The following LMF1 variants were observed in gnomAD, a reference collection of about 807,000 sequenced individuals.
LMF1 encodes transmembrane protein 112.
LMF1 carries 68 observed loss-of-function variants against 60.6 expected under a neutral mutation model. That is an observed-to-expected ratio of 1.12 (90% CI 0.92 to 1.37). LMF1 has a LOEUF of 1.37. Among genes scored for constraint, LMF1 ranks in the 40% most tolerant of loss-of-function variants. LMF1 has a pLI of 0.00. For synonymous variants in LMF1, 418 were observed against 324.7 expected (o/e 1.29, Z -3.09); for missense variants, 948 against 767.2 (o/e 1.24, Z -2.78).
intron 1 of LMF1, among the ~76,000 whole-genome samples, chr16:959,561 C>A (rs949413141): frequency 6.6e-6 from 1 of 152,164 alleles, no homozygotes; most frequent in African/African-American, 2.4e-5. Flanking sequence ...TTGGGGGATG[C>A]AGATAGAATA....
In LMF1 at chr16:868,033, G is replaced by A. The variant is rs1010667517; in HGVS notation, c.1529+911C>T. On this transcript the variant is annotated intron_variant, in intron 10 of 10. Coordinates refer to ENST00000262301, the MANE Select transcript of LMF1 (RefSeq NM_022773.4). Reference sequence around the variant, plus strand: ...AGCTGTGTTTTCCGTCAGAATCGGCGGCTGATGGCGCAGGGGAGGGGTGGG... The same window carrying A: ...AGCTGTGTTTTCCGTCAGAATCGGCAGCTGATGGCGCAGGGGAGGGGTGGG... 5.3e-5 allele frequency among the ~76,000 whole-genome samples: 8 copies of A among 152,144 alleles called. No homozygotes were observed. In the South Asian group the frequency reaches 6.2e-4, roughly 12 times the overall value.
intron 1 of LMF1, among the ~76,000 whole-genome samples, chr16:954,908 C>T (rs560847769): frequency 2.1e-5 from 3 of 145,664 alleles, no homozygotes; most frequent in Admixed American, 6.8e-5. Context: ...TCTAAGTGAA[C>T]TAGACACGTT....
At chr16:973,828 G>A (rs1001786394), upstream of LMF1, among the ~76,000 whole-genome samples, 5 of 151,926 alleles carry the variant, frequency 3.3e-5, no homozygotes, top group African/African-American at 9.7e-5. Context: ...GTGAAACCCC[G>A]TCTCTACTAA....
At chr16:951,571 C>G (rs1341986411) in intron 2 of LMF1, among the ~76,000 whole-genome samples, 10 of 152,316 alleles carry the variant, frequency 6.6e-5, no homozygotes, top group African/African-American at 2.4e-4. Flanking sequence ...ATAAATGTTG[C>G]CAAACCCCCA....
At position 953,273 on chromosome 16, in the gene LMF1, A is replaced by G. The variant is rs74208921; in HGVS notation, c.503+1084T>C. 2.6e-3 allele frequency among the ~76,000 whole-genome samples: 83 copies of G among 31,538 alleles called. 1 individual carries two copies. Among genetic ancestry groups the G allele is most frequent in the East Asian group, 0.012 (14 of 1,192 alleles). 20.7% of individuals were successfully genotyped at this position (31,538 alleles called of 152,430 possible). A position where few individuals can be genotyped will look rare whatever the true frequency, so the allele number is the denominator to read the frequency against. ...GACACCCACCCCAAACCAGCCTCCT[A>G]CACGTCCACACAGACACCCCAAACC... On this transcript the variant is annotated intron_variant, in intron 2 of 10. Transcript: ENST00000262301.
rs9939882 is a variant in LMF1 at position 897,962 on chromosome 16, A to G, written c.664-4890T>C. Among the ~76,000 whole-genome samples the G allele has an allele frequency of 6.6e-6, 1 of 152,116 alleles. No individual in the cohort carries two copies. The highest frequency in any genetic ancestry group is 1.5e-5 in the Non-Finnish European group (1 of 68,006). Reference sequence around the variant, plus strand: ...CACAGCTGCACCAGGAGCTGTGTACATGGCAGGCATCCTCTGCGTGGTGGG... The same window carrying G: ...CACAGCTGCACCAGGAGCTGTGTACGTGGCAGGCATCCTCTGCGTGGTGGG... On this transcript the variant is annotated intron_variant, in intron 4 of 10. Transcript: ENST00000262301. This position sits in a 1 kb window ranked among gnomAD's most constrained non-coding sequence, Gnocchi z 4.3.
At chr16:888,895 G>A (rs954313113) in intron 5 of LMF1, among the ~76,000 whole-genome samples, 6 of 152,196 alleles carry the variant, frequency 3.9e-5, no homozygotes, top group South Asian at 4.1e-4. Context: ...AGGCAGAGGC[G>A]TCCTCAGCTG....
At chr16:964,603 A>C (rs1425729303) in intron 1 of LMF1, among the ~76,000 whole-genome samples, 1 of 152,268 alleles carries the variant, frequency 6.6e-6, no homozygotes, top group Non-Finnish European at 1.5e-5. Flanking sequence ...GGAGAAAAGA[A>C]AAAGAACTCA....
rs1343794115 is a variant in LMF1 at position 970,862 on chromosome 16, G to A, written c.119C>T (p.Ser40Phe). 6.4e-7 allele frequency: 1 copy of A among 1,562,938 alleles called. No individual in the cohort carries two copies. Among genetic ancestry groups the A allele is most frequent in the Non-Finnish European group, 8.7e-7 (1 of 1,155,930 alleles). ...PPAPGRGPAGSPAHLHTGTFW... is the reference protein window; with the variant it reads ...PPAPGRGPAGFPAHLHTGTFW... ...GGTGCCCGTGTGGAGATGGGCCGGA[G>A]AGCCTGCGGGGCCACGCCCCGGCGC... is the stretch of plus-strand genomic sequence containing the variant. Residue 40 changes from serine to phenylalanine, a missense_variant, in exon 1 of 11, where the codon TCT becomes TTT. Coordinates refer to ENST00000262301, the MANE Select transcript of LMF1 (RefSeq NM_022773.4).
chr16:955,756 C>G (rs1454921575), intron 1 of LMF1, among the ~76,000 whole-genome samples: 1 of 152,272 alleles, frequency 6.6e-6, no homozygotes, highest in African/African-American at 2.4e-5. Flanking sequence ...TACACACAGA[C>G]AGCCAGCTGA....
chr16:928,810 G>A (rs528279892), intron 3 of LMF1, among the ~76,000 whole-genome samples: 1 of 152,292 alleles, frequency 6.6e-6, no homozygotes, highest in African/African-American at 2.4e-5. Context: ...ATGGGGGTAG[G>A]ATCGCCTGGA....
chr16:940,867 TTC>T (rs1402730353), intron 2 of LMF1, among the ~76,000 whole-genome samples: 1 of 152,254 alleles, frequency 6.6e-6, no homozygotes, highest in Non-Finnish European at 1.5e-5. Flanking sequence ...TGTTTAGTTG[TTC>T]TTTCAATTAT....
At chr16:945,091 A>C (rs1402878683) in intron 2 of LMF1, among the ~76,000 whole-genome samples, 2 of 150,380 alleles carry the variant, frequency 1.3e-5, no homozygotes, top group East Asian at 3.9e-4. Context: ...GATGCCTATA[A>C]TCCCAGCTAC....
intron 1 of LMF1, among the ~76,000 whole-genome samples, chr16:959,206 G>A (rs1306504185): frequency 3.9e-5 from 6 of 152,222 alleles, no homozygotes; most frequent in Non-Finnish European, 8.8e-5. Flanking sequence ...ATAACCGGAG[G>A]TGCATTTGTG....
At chr16:977,615 T>C (rs2073185489) in intron 1 of LMF1, among the ~76,000 whole-genome samples, 1 of 151,560 alleles carries the variant, frequency 6.6e-6, no homozygotes, top group Admixed American at 6.6e-5. Flanking sequence ...GGGCCCTCCC[T>C]GTGCTTCTCA....
intron 2 of LMF1, among the ~76,000 whole-genome samples, chr16:938,593 T>A (rs1479260587): frequency 6.6e-6 from 1 of 152,220 alleles, no homozygotes; most frequent in African/African-American, 2.4e-5. Context: ...TTTGCAAACA[T>A]CTGTCGCCTG....
chr16:951,591 A>G (rs1319341082), intron 2 of LMF1, among the ~76,000 whole-genome samples: 1 of 152,176 alleles, frequency 6.6e-6, no homozygotes, highest in Admixed American at 6.5e-5. Flanking sequence ...AGATGTTTAA[A>G]TTTCTAGACC....
intron 10 of LMF1, among the ~76,000 whole-genome samples, chr16:863,583 TCTG>T (rs1444484549): frequency 6.6e-6 from 1 of 152,270 alleles, no homozygotes; most frequent in Non-Finnish European, 1.5e-5. Context: ...AGTTTCATTT[TCTG>T]CTTTTTACTA....
At chr16:861,354 C>CTTTTTTTTTTTTTTT (rs33941455) in intron 10 of LMF1, among the ~76,000 whole-genome samples, 2 of 92,672 alleles carry the variant, frequency 2.2e-5, no homozygotes. Flanking sequence ...AATTTTCTTT[C>CTTTTTTTTTTTTTTT]TTTTTTTTTT....
Sources: allele counts gnomAD v4.1 joint callset (sites outside exome capture counted in the v4.1 genomes callset), GRCh38; gene constraint gnomAD v4.1.1; non-coding constraint Gnocchi (gnomAD v3.1); transcripts MANE v1.5; gene names NCBI Gene and HGNC (gene_info 2026-07-23, HGNC 2026-07-21).